MEIKIN: variants seen among roughly 807,000 people sequenced by gnomAD.
MEIKIN encodes meiosis-specific kinetochore protein.
chr5:131,941,966 C>G (rs1275805980), intron 4 of MEIKIN, among the ~76,000 whole-genome samples: 1 of 152,098 alleles, frequency 6.6e-6, no homozygotes, highest in Admixed American at 6.5e-5. Context: ...ATGTCACCAC[C>G]CTAGTAGAAG....
chr5:131,827,609 CATT>C (rs747654516), intron 11 of MEIKIN, among the ~76,000 whole-genome samples: 1 of 152,028 alleles, frequency 6.6e-6, no homozygotes, highest in Non-Finnish European at 1.5e-5. Flanking sequence ...CAAAAGAAAA[CATT>C]ATTAGAAACA....
intron 8 of MEIKIN, among the ~76,000 whole-genome samples, chr5:131,887,845 C>T (rs1206423095): frequency 2.7e-5 from 4 of 148,010 alleles, no homozygotes; most frequent in Admixed American, 2.7e-4. Flanking sequence ...TCTCCTAATG[C>T]TATCCCTCAC....
At chr5:131,866,963 C>T (rs1375676646) in intron 9 of MEIKIN, among the ~76,000 whole-genome samples, 3 of 152,160 alleles carry the variant, frequency 2.0e-5, no homozygotes, top group Non-Finnish European at 4.4e-5. Flanking sequence ...AACAATGATA[C>T]AGTATATCTC....
chr5:131,866,197 C>T (rs1347727090), intron 9 of MEIKIN, among the ~76,000 whole-genome samples: 1 of 152,194 alleles, frequency 6.6e-6, no homozygotes, highest in East Asian at 1.9e-4. Flanking sequence ...GGCTGGTTTC[C>T]AGATCTGCAA....
intron 8 of MEIKIN, among the ~76,000 whole-genome samples, chr5:131,890,270 G>C (rs561188911): frequency 4.8e-4 from 73 of 152,282 alleles, no homozygotes; most frequent in Admixed American, 1.0e-3. Flanking sequence ...GTTTCAGAAG[G>C]AATGGTACCA....
chr5:131,922,700 C>A (rs925648020), intron 5 of MEIKIN, among the ~76,000 whole-genome samples: 1 of 152,100 alleles, frequency 6.6e-6, no homozygotes, highest in Admixed American at 6.6e-5. Flanking sequence ...TATATTCGCC[C>A]ATCCCCACCT....
intron 6 of MEIKIN, among the ~76,000 whole-genome samples, chr5:131,918,343 T>G (rs1010689663): frequency 6.6e-6 from 1 of 152,200 alleles, no homozygotes. Context: ...CTGTTAGATT[T>G]TTTGACATTT....
chr5:131,842,475 C>T (rs1749932494), intron 11 of MEIKIN, among the ~76,000 whole-genome samples: 1 of 152,096 alleles, frequency 6.6e-6, no homozygotes, highest in Non-Finnish European at 1.5e-5. Flanking sequence ...TACATTCCAT[C>T]TATACCTAAT....
chr5:131,897,991 T>C (rs1437543925), intron 8 of MEIKIN, among the ~76,000 whole-genome samples: 2 of 152,142 alleles, frequency 1.3e-5, no homozygotes, highest in Non-Finnish European at 2.9e-5. Context: ...TGCTCTGGTT[T>C]TTAGAATTTT....
rs539988998 is a variant in MEIKIN at position 131,827,968 on chromosome 5, G to T, written c.976-9105C>A. 4.0e-5 allele frequency among the ~76,000 whole-genome samples: 6 copies of T among 151,822 alleles called. No homozygotes were observed. In the South Asian group the frequency reaches 6.2e-4, roughly 16 times the overall value. On this transcript the variant is annotated intron_variant, in intron 11 of 12. Coordinates refer to ENST00000442687, the MANE Select transcript of MEIKIN (RefSeq NM_001303622.2). ...GACGGCTGAGGTGGGAGGATCACTTGAGCCCAGGAGTTTGAGGCCGTGAAC... is the reference window on the plus strand; with the variant it reads ...GACGGCTGAGGTGGGAGGATCACTTTAGCCCAGGAGTTTGAGGCCGTGAAC...
chr5:131,889,147 T>C (rs561904681), intron 8 of MEIKIN, among the ~76,000 whole-genome samples: 3 of 152,218 alleles, frequency 2.0e-5, no homozygotes, highest in Non-Finnish European at 1.5e-5. Context: ...GGTAGCGTGA[T>C]GCCTCCAGCT....
At chr5:131,868,352 G>A (rs904111376) in intron 9 of MEIKIN, among the ~76,000 whole-genome samples, 2 of 152,270 alleles carry the variant, frequency 1.3e-5, no homozygotes, top group African/African-American at 2.4e-5. Flanking sequence ...CCAAAATGTT[G>A]GGATTACAGG....
At chr5:131,905,959 A>T (rs1175698075) in intron 8 of MEIKIN, among the ~76,000 whole-genome samples, 1 of 152,166 alleles carries the variant, frequency 6.6e-6, no homozygotes, top group African/African-American at 2.4e-5. Context: ...ACTCTGGACA[A>T]AGGACATGGC....
intron 8 of MEIKIN, among the ~76,000 whole-genome samples, chr5:131,901,740 C>T (rs1292331380): frequency 6.6e-6 from 1 of 152,040 alleles, no homozygotes. Flanking sequence ...GAGCCTTGGC[C>T]CCCCACAAAA....
chr5:131,826,372 G>A (rs901154918), intron 11 of MEIKIN, among the ~76,000 whole-genome samples: 1 of 152,106 alleles, frequency 6.6e-6, no homozygotes, highest in Non-Finnish European at 1.5e-5. Context: ...ATAATTTGGG[G>A]TGAAAGAAAA....
At chr5:131,903,983 A>G (rs1193002317) in intron 8 of MEIKIN, among the ~76,000 whole-genome samples, 1 of 152,122 alleles carries the variant, frequency 6.6e-6, no homozygotes, top group East Asian at 1.9e-4. Flanking sequence ...AAAAACAAAA[A>G]AATAACGGAA....
chr5:131,902,300 G>C lies in MEIKIN; in HGVS notation c.703+9515C>G, dbSNP rs577386130. Among the ~76,000 whole-genome samples, 9 of 152,226 alleles carry C rather than the reference G, an allele frequency of 5.9e-5. No homozygotes were observed. In the East Asian group the frequency reaches 1.7e-3, roughly 29 times the overall value. On this transcript the variant is annotated intron_variant, in intron 8 of 12. Coordinates refer to ENST00000442687, the MANE Select transcript of MEIKIN (RefSeq NM_001303622.2). The stretch of plus-strand genomic sequence containing the variant: ...TACAAAAAATTAGCTGGGTATGGTG[G>C]TGCACACCTGTGGTCCCAGCTACTC...
intron 8 of MEIKIN, among the ~76,000 whole-genome samples, chr5:131,887,550 T>C (rs1469612842): frequency 1.3e-5 from 2 of 152,158 alleles, no homozygotes; most frequent in Admixed American, 1.3e-4. Context: ...GAGATGGTAA[T>C]TCACTGTGCT....
intron 11 of MEIKIN, among the ~76,000 whole-genome samples, chr5:131,844,101 C>G (rs1008921415): frequency 1.3e-5 from 2 of 152,122 alleles, no homozygotes; most frequent in Non-Finnish European, 2.9e-5. Context: ...AAGTGCCACA[C>G]ACTTTCAAAC....
Sources: allele counts gnomAD v4.1 joint callset (sites outside exome capture counted in the v4.1 genomes callset), GRCh38; gene constraint gnomAD v4.1.1; transcripts MANE v1.5; gene names NCBI Gene and HGNC (gene_info 2026-07-23, HGNC 2026-07-21).